FLYWCH1: variants seen among roughly 807,000 people sequenced by gnomAD.
FLYWCH1 encodes FLYWCH-type zinc finger-containing protein 1.
A neutral mutation model predicts 66.4 loss-of-function variants in FLYWCH1; 75 were observed. The ratio of observed to expected loss-of-function variants is 1.13; its 90% CI spans 0.94 to 1.37. The LOEUF (loss-of-function observed/expected upper bound fraction) is 1.37, where lower values mean the gene tolerates loss of function less well. Among genes scored for constraint, FLYWCH1 ranks in the 40% most tolerant of loss-of-function variants. FLYWCH1 has a pLI of 0.00. For synonymous variants in FLYWCH1, 595 were observed against 429.9 expected (o/e 1.38, Z -4.75); for missense variants, 1,334 against 1,001.8 (o/e 1.33, Z -4.48).
rs1023609573 is a variant in FLYWCH1 at position 2,932,042 on chromosome 16, C to T, written c.797-1088C>T. Among the ~76,000 whole-genome samples, 6 of 148,044 alleles carry T rather than the reference C, an allele frequency of 4.1e-5. 1 individual carries two copies. Among genetic ancestry groups the T allele is most frequent in the Non-Finnish European group, 7.4e-5 (5 of 67,532 alleles). Reference sequence around the variant, plus strand: ...CTGAGGCAGGAGAATGGCGTGAACCCGGGAGGCGGAGCTTGCCGTGGGCCA... The same window carrying T: ...CTGAGGCAGGAGAATGGCGTGAACCTGGGAGGCGGAGCTTGCCGTGGGCCA... On this transcript the variant is annotated intron_variant, in intron 4 of 9. Coordinates refer to ENST00000253928, the MANE Select transcript of FLYWCH1 (RefSeq NM_001308068.2).
intron 2 of FLYWCH1, among the ~76,000 whole-genome samples, chr16:2,925,869 G>A (rs1471500187): frequency 6.6e-6 from 1 of 152,204 alleles, no homozygotes; most frequent in African/African-American, 2.4e-5. Context: ...CTTCGGGAGT[G>A]GAATGTGGGG....
At chr16:2,930,919 C>A in intron 4 of FLYWCH1, 39 bp downstream of exon 4, 2 of 1,492,476 alleles carry the variant, frequency 1.3e-6, no homozygotes. Flanking sequence ...CCACTCGGGG[C>A]AGGGGACCCG....
intron 9 of FLYWCH1, chr16:2,943,252 C>T (rs1265794974): frequency 6.6e-6 from 1 of 152,126 alleles, no homozygotes; most frequent in Admixed American, 6.6e-5. Flanking sequence ...TTGCACATGT[C>T]ACAGCTCGAG....
chr16:2,916,884 C>T (rs2070186593), intron 2 of FLYWCH1, among the ~76,000 whole-genome samples: 1 of 151,614 alleles, frequency 6.6e-6, no homozygotes, highest in Non-Finnish European at 1.5e-5. Flanking sequence ...GTGGCTCACT[C>T]CTGTAATCCC....
chr16:2,927,719 G>A (rs915574212), intron 2 of FLYWCH1, among the ~76,000 whole-genome samples: 2 of 152,202 alleles, frequency 1.3e-5, no homozygotes, highest in Admixed American at 1.3e-4. Flanking sequence ...GTGGGTTCAC[G>A]CCCCACACTG....
chr16:2,937,443 C>T lies in FLYWCH1; in HGVS notation c.1777+59C>T, dbSNP rs1397424536. 25 of 1,470,214 alleles carry T rather than the reference C, an allele frequency of 1.7e-5. 1 individual carries two copies. Among genetic ancestry groups the T allele is most frequent in the East Asian group, 1.4e-4 (6 of 41,990 alleles). The allele number at this position is 1,470,214 out of a possible 1,614,324, so 91.1% of individuals were successfully genotyped here. ...GGTCTCCCAGGACCTGTGCCCCACA[C>T]GCTGGCTGGAGGCTGCCCGTGGGGT... On this transcript the variant is annotated intron_variant, in intron 7 of 9. Coordinates refer to ENST00000253928, the MANE Select transcript of FLYWCH1 (RefSeq NM_001308068.2).
At chr16:2,943,396 T>A (rs1006178790) in intron 9 of FLYWCH1, 1 of 151,582 alleles carries the variant, frequency 6.6e-6, no homozygotes, top group African/African-American at 2.4e-5. Flanking sequence ...CTTTTCACCG[T>A]AGTAAATCCC....
In FLYWCH1 at chr16:2,948,882, G is replaced by A; in HGVS notation, c.*155G>A. On this transcript the variant is annotated 3_prime_UTR_variant, in exon 10 of 10. Coordinates refer to ENST00000253928, the MANE Select transcript of FLYWCH1 (RefSeq NM_001308068.2). ...CGCGTCTCCTCAGGAGGTCTCCCAG[G>A]AGGAATTCTTGGATGGTGTCCTCAT... 1 of 647,944 alleles carries A rather than the reference G, an allele frequency of 1.5e-6. No homozygotes were observed. The highest frequency in any genetic ancestry group is 1.8e-5 in the South Asian group (1 of 54,858). 40.1% of individuals were successfully genotyped at this position (647,944 alleles called of 1,614,324 possible).
At chr16:2,934,809 G>A (rs758476215) in intron 6 of FLYWCH1, 3 of 343,080 alleles carry the variant, frequency 8.7e-6, no homozygotes, top group South Asian at 6.6e-5. Flanking sequence ...AAGTAACTAA[G>A]CAATTGTTTC....
At chr16:2,942,958 TC>T (rs2071334424) in intron 9 of FLYWCH1, among the ~76,000 whole-genome samples, 1 of 151,698 alleles carries the variant, frequency 6.6e-6, no homozygotes, top group Non-Finnish European at 1.5e-5. Context: ...CGCCTCGGAC[TC>T]CTAAAGTGCT....
chr16:2,933,130 G>A lies in FLYWCH1; in HGVS notation c.797G>A (p.Gly266Glu), dbSNP rs200329994. 6 of 1,612,144 alleles carry A rather than the reference G, an allele frequency of 3.7e-6. No individual in the cohort carries two copies. In the African/African-American group the frequency reaches 4.0e-5, roughly 11 times the overall value. ...GTGACCACTTGGGTCTCTCCTCTAGGACAGGCCCGGCCCCTCGAGTTCCTG... is the reference window on the plus strand; with the variant it reads ...GTGACCACTTGGGTCTCTCCTCTAGAACAGGCCCGGCCCCTCGAGTTCCTG... ...PPKKRSILGL[G>E]QARPLEFLRT... Residue 266 changes from glycine to glutamate, a missense_variant and splice_region_variant, in exon 5 of 10, where the codon GGA becomes GAA. Transcript: ENST00000253928.
rs2151038399 is a variant in FLYWCH1 at position 2,948,778 on chromosome 16, T to TG, written c.*51_*52insG. 1 of 1,556,836 alleles carries TG rather than the reference T, an allele frequency of 6.4e-7. No individual in the cohort carries two copies. Among genetic ancestry groups the TG allele is most frequent in the East Asian group, 2.2e-5 (1 of 44,666 alleles). ...GCCGCCCACCCAAGGTGGCTTCACA[T>TG]CCACACAGGCACTTCCCATCCACCT... On this transcript the variant is annotated 3_prime_UTR_variant, in exon 10 of 10. Coordinates refer to ENST00000253928, the MANE Select transcript of FLYWCH1 (RefSeq NM_001308068.2).
At chr16:2,916,008 T>C (rs1454708234) in intron 2 of FLYWCH1, among the ~76,000 whole-genome samples, 3 of 152,000 alleles carry the variant, frequency 2.0e-5, no homozygotes, top group Non-Finnish European at 2.9e-5. Flanking sequence ...CCTACCTGAG[T>C]TTGCCTGCCT....
rs1009668996 is a variant in FLYWCH1, at chr16:2,920,592, GT to G, written c.-74+6310del. Among the ~76,000 whole-genome samples, 6 of 151,124 alleles carry G rather than the reference GT, an allele frequency of 4.0e-5. No homozygotes were observed. In the East Asian group the frequency reaches 5.8e-4, roughly 15 times the overall value. On this transcript the variant is annotated intron_variant, in intron 2 of 9. Transcript: ENST00000253928. ...GACCATTGTTTGTTTGTTTGTTTTT[GT>G]TTTTTTGAGATGGAGTTTTGCTCTT...
intron 2 of FLYWCH1, among the ~76,000 whole-genome samples, chr16:2,914,908 CAAAAA>C (rs555910638): frequency 4.1e-5 from 3 of 72,726 alleles, no homozygotes; most frequent in African/African-American, 5.2e-5. Flanking sequence ...GACTCTGTCT[CAAAAA>C]AAAAAAAAAA....
At chr16:2,918,288 C>G (rs889194631) in intron 2 of FLYWCH1, among the ~76,000 whole-genome samples, 7 of 151,890 alleles carry the variant, frequency 4.6e-5, no homozygotes, top group Non-Finnish European at 1.0e-4. Context: ...GCTGGGACTA[C>G]AGGCGGCCGC....
Position 2,950,954 on chromosome 16 carries a change from G to A in FLYWCH1, c.*2227G>A, listed in dbSNP as rs1338079517. Reference sequence around the variant, plus strand: ...GAGCCTTCCCCTTGCAAAGTTCCAGGGCCACCAGATGTCGCCTGCCCAGTC... The same window carrying A: ...GAGCCTTCCCCTTGCAAAGTTCCAGAGCCACCAGATGTCGCCTGCCCAGTC... On this transcript the variant is annotated 3_prime_UTR_variant, in exon 10 of 10. Coordinates refer to ENST00000253928, the MANE Select transcript of FLYWCH1 (RefSeq NM_001308068.2). The A allele has an allele frequency of 2.6e-5, 4 of 152,272 alleles. No homozygotes were observed. Among genetic ancestry groups the A allele is most frequent in the African/African-American group, 9.6e-5 (4 of 41,464 alleles). The allele number at this position is 152,272 out of a possible 1,614,324, so 9.4% of individuals were successfully genotyped here. A position where few individuals can be genotyped will look rare whatever the true frequency, so the allele number is the denominator to read the frequency against.
At chr16:2,925,039 G>A (rs2070509619) in intron 2 of FLYWCH1, among the ~76,000 whole-genome samples, 1 of 152,208 alleles carries the variant, frequency 6.6e-6, no homozygotes, top group Non-Finnish European at 1.5e-5. Flanking sequence ...GCCTGGGACA[G>A]GCCCCTGCCC....
In FLYWCH1 at chr16:2,937,458, G is replaced by T. The variant is rs984010685; in HGVS notation, c.1777+74G>T. 5 of 1,445,392 alleles carry T rather than the reference G, an allele frequency of 3.5e-6. No homozygotes were observed. In the South Asian group the frequency reaches 5.9e-5, roughly 17 times the overall value. The allele number at this position is 1,445,392 out of a possible 1,614,324, so 89.5% of individuals were successfully genotyped here. On this transcript the variant is annotated intron_variant, in intron 7 of 9. Transcript: ENST00000253928. ...GTGCCCCACACGCTGGCTGGAGGCT[G>T]CCCGTGGGGTGTTGTGTGTTGTGCA...
Sources: gnomAD v4.1 joint callset for allele counts (sites outside exome capture counted in the v4.1 genomes callset) on GRCh38, gnomAD v4.1.1 for gene constraint, MANE v1.5 for transcripts, NCBI Gene and HGNC (gene_info 2026-07-23, HGNC 2026-07-21) for gene names.